Variants in ST3GAL6 observed in about 807,000 individuals in gnomAD.
The protein encoded by ST3GAL6 is ST3 beta-galactoside alpha-2,3-sialyltransferase 6, also known as type 2 lactosamine alpha-2,3-sialyltransferase.
Under a neutral mutation model 40.5 loss-of-function variants are expected in ST3GAL6, and 31 were observed. The ratio of observed to expected loss-of-function variants is 0.77; its 90% CI spans 0.58 to 1.03. ST3GAL6 has a LOEUF of 1.03. ST3GAL6 is among the 50% of genes least tolerant of loss of function. The probability of loss-of-function intolerance (pLI) is 0.00; values close to 1 mark genes in which losing one functional copy is unlikely to be tolerated. For missense variants in ST3GAL6, 357 were observed against 393.2 expected (o/e 0.91, Z 0.78); for synonymous variants, 129 against 136.9 (o/e 0.94, Z 0.40).
At chr3:98,779,598 C>T (rs1218188367) in intron 5 of ST3GAL6, among the ~76,000 whole-genome samples, 1 of 152,162 alleles carries the variant, frequency 6.6e-6, no homozygotes, top group African/African-American at 2.4e-5. Context: ...TTTAATGTTT[C>T]CCTCTGCATA....
intron 6 of ST3GAL6, among the ~76,000 whole-genome samples, chr3:98,785,429 A>G (rs1940607594): frequency 6.6e-6 from 1 of 152,230 alleles, no homozygotes; most frequent in Admixed American, 6.5e-5. Context: ...ACTTTGAGAA[A>G]GAGACATCTA....
At chr3:98,735,895 C>T (rs1048030788) in intron 1 of ST3GAL6, among the ~76,000 whole-genome samples, 6 of 152,212 alleles carry the variant, frequency 3.9e-5, no homozygotes, top group Admixed American at 3.9e-4. Flanking sequence ...AGCTGGAGTT[C>T]TTTCCCCTGA....
chr3:98,747,163 A>G (rs777789136), intron 1 of ST3GAL6, among the ~76,000 whole-genome samples: 3 of 152,180 alleles, frequency 2.0e-5, no homozygotes, highest in Non-Finnish European at 2.9e-5. Context: ...TGGTTTGTTT[A>G]TCTACTTTCT....
Position 98,794,502 on chromosome 3 carries a change from T to TG in ST3GAL6, c.*742dup, listed in dbSNP as rs1354831117. 2 of 152,142 alleles carry TG rather than the reference T, an allele frequency of 1.3e-5. No homozygotes were observed. Among genetic ancestry groups the TG allele is most frequent in the African/African-American group, 4.8e-5 (2 of 41,384 alleles). 9.4% of individuals were successfully genotyped at this position (152,142 alleles called of 1,614,324 possible). A position where few individuals can be genotyped will look rare whatever the true frequency, so the allele number is the denominator to read the frequency against. The stretch of plus-strand genomic sequence containing the variant: ...AAAAATCTTGAACATTATTTTTTTT[T>TG]GCCTGACTTACTTATTCATTAAATT... On this transcript the variant is annotated 3_prime_UTR_variant, in exon 10 of 10. Coordinates refer to ENST00000483910, the MANE Select transcript of ST3GAL6 (RefSeq NM_001323368.2).
chr3:98,768,145 C>A (rs1316515366), intron 1 of ST3GAL6, among the ~76,000 whole-genome samples: 1 of 152,086 alleles, frequency 6.6e-6, no homozygotes, highest in African/African-American at 2.4e-5. Flanking sequence ...TTCTTTCTTA[C>A]CTACCATGAG....
At chr3:98,791,061 T>TGAAA (rs1208200567) in intron 8 of ST3GAL6, among the ~76,000 whole-genome samples, 1 of 152,186 alleles carries the variant, frequency 6.6e-6, no homozygotes, top group African/African-American at 2.4e-5. Context: ...AACACTTTAT[T>TGAAA]GAAAGTGTTA....
intron 5 of ST3GAL6, among the ~76,000 whole-genome samples, chr3:98,776,025 C>G (rs1294516588): frequency 6.6e-6 from 1 of 152,202 alleles, no homozygotes. Context: ...CACAGATGTT[C>G]AGTTAGCATT....
At chr3:98,734,813 A>G (rs1011935215) in intron 1 of ST3GAL6, among the ~76,000 whole-genome samples, 6 of 152,204 alleles carry the variant, frequency 3.9e-5, no homozygotes, top group African/African-American at 1.4e-4. Context: ...GTTCTCATTC[A>G]GTGGCAGACG....
chr3:98,778,506 G>A (rs1347963888), intron 5 of ST3GAL6, among the ~76,000 whole-genome samples: 2 of 152,202 alleles, frequency 1.3e-5, no homozygotes, highest in East Asian at 1.9e-4. Context: ...GGGAAGTTGC[G>A]ATTCTACATC....
At chr3:98,752,489 T>A (rs1937081896) in intron 1 of ST3GAL6, among the ~76,000 whole-genome samples, 1 of 152,112 alleles carries the variant, frequency 6.6e-6, no homozygotes, top group South Asian at 2.1e-4. Flanking sequence ...TTTATTTTTT[T>A]GAGACGGAGT....
At chr3:98,747,915 C>G (rs1936688601) in intron 1 of ST3GAL6, among the ~76,000 whole-genome samples, 1 of 151,968 alleles carries the variant, frequency 6.6e-6, no homozygotes, top group South Asian at 2.1e-4. Flanking sequence ...GGGAAGGGAC[C>G]ATAAATCTAG....
chr3:98,738,270 A>T (rs1559717943), intron 1 of ST3GAL6, among the ~76,000 whole-genome samples: 1 of 151,440 alleles, frequency 6.6e-6, no homozygotes, highest in East Asian at 1.9e-4. Context: ...AGTCTCAGGT[A>T]TTTCTTTCTT....
chr3:98,756,031 T>C (rs115809742), intron 1 of ST3GAL6, among the ~76,000 whole-genome samples: 19 of 152,260 alleles, frequency 1.2e-4, no homozygotes, highest in Non-Finnish European at 2.5e-4. Flanking sequence ...AAGCTGCGTG[T>C]ATGTGTGGAG....
chr3:98,779,860 T>G lies in ST3GAL6; in HGVS notation c.336-5085T>G, dbSNP rs541819628. ...AAGTAGGGAAATAACCTCCATATAC[T>G]TAATGTAACAACCAAACTGAATTCT... On this transcript the variant is annotated intron_variant, in intron 5 of 9. Transcript: ENST00000483910. Among the ~76,000 whole-genome samples, 22 of 152,324 alleles carry G rather than the reference T, an allele frequency of 1.4e-4. No individual in the cohort carries two copies. In the South Asian group the frequency reaches 4.6e-3, roughly 32 times the overall value.
rs952835462 is a variant in ST3GAL6 at position 98,794,742 on chromosome 3, T to G, written c.*981T>G. 2.6e-5 allele frequency: 4 copies of G among 151,956 alleles called. No homozygotes were observed. Among genetic ancestry groups the G allele is most frequent in the African/African-American group, 7.3e-5 (3 of 41,348 alleles). 9.4% of individuals were successfully genotyped at this position (151,956 alleles called of 1,614,324 possible). ...TGGTGAAACCTCATCTCTACTAAAA[T>G]ACAAAATAATTAGCTGGGCGTGGTG... On this transcript the variant is annotated 3_prime_UTR_variant, in exon 10 of 10. Coordinates refer to ENST00000483910, the MANE Select transcript of ST3GAL6 (RefSeq NM_001323368.2).
At chr3:98,777,087 G>A (rs1306651384) in intron 5 of ST3GAL6, among the ~76,000 whole-genome samples, 1 of 152,160 alleles carries the variant, frequency 6.6e-6, no homozygotes, top group African/African-American at 2.4e-5. Context: ...TGTTCCTTCT[G>A]GTCTGGTATG....
upstream of ST3GAL6, among the ~76,000 whole-genome samples, chr3:98,761,274 G>C (rs1457437636): frequency 1.3e-5 from 2 of 151,944 alleles, no homozygotes; most frequent in African/African-American, 4.8e-5. Flanking sequence ...GTGAGACCCT[G>C]TCTCAAAAAA....
Position 98,788,355 on chromosome 3 carries a change from C to CTTAA in ST3GAL6, c.649_652dup (p.Asn218IlefsTer6). 1 of 1,612,978 alleles carries CTTAA rather than the reference C, an allele frequency of 6.2e-7. No homozygotes were observed. The highest frequency in any genetic ancestry group is 1.1e-5 in the South Asian group (1 of 90,844). The stretch of plus-strand genomic sequence containing the variant: ...CTAATGGTTTTTGGAAGAAACCAGC[C>CTTAA]TTAAACCTGATTTATAAACCTTATC... On this transcript the variant is annotated frameshift_variant, in exon 8 of 10. Transcript: ENST00000483910. LOFTEE classifies it high-confidence loss of function.
At chr3:98,783,785 G>A (rs1269484560) in intron 5 of ST3GAL6, 1 of 572,734 alleles carries the variant, frequency 1.7e-6, no homozygotes, top group African/African-American at 2.0e-5. Context: ...ATTTAGGCAT[G>A]ACTCTTTAAT....
Sources: gnomAD v4.1 joint callset for allele counts (sites outside exome capture counted in the v4.1 genomes callset) on GRCh38, gnomAD v4.1.1 for gene constraint, MANE v1.5 for transcripts, NCBI Gene and HGNC (gene_info 2026-07-23, HGNC 2026-07-21) for gene names.